The following TMEM135 variants were observed in gnomAD, a reference collection of about 807,000 sequenced individuals.
TMEM135 encodes the protein transmembrane protein 135, also known as peroxisomal membrane protein 52.
In TMEM135, 30 loss-of-function variants were observed where a neutral mutation model predicts 60.3. The observed-to-expected ratio is 0.50, with a 90% confidence interval of 0.37 to 0.68. The LOEUF (loss-of-function observed/expected upper bound fraction) is 0.68, where lower values mean the gene tolerates loss of function less well. Among genes scored for constraint, TMEM135 ranks in the 30% least tolerant of loss-of-function variants. The probability of loss-of-function intolerance (pLI) is 0.00; values close to 1 mark genes in which losing one functional copy is unlikely to be tolerated. For synonymous variants in TMEM135, 190 were observed against 186.7 expected (o/e 1.02, Z -0.14); for missense variants, 468 against 548.8 (o/e 0.85, Z 1.47).
intron 4 of TMEM135, among the ~76,000 whole-genome samples, chr11:87,155,970 C>A (rs1242744599): frequency 2.6e-5 from 4 of 152,160 alleles, no homozygotes; most frequent in Non-Finnish European, 5.9e-5. Flanking sequence ...ACAGTATGTA[C>A]TGTTTCTAGA....
chr11:87,178,853 A>G (rs761557035), intron 5 of TMEM135, among the ~76,000 whole-genome samples: 3 of 151,986 alleles, frequency 2.0e-5, no homozygotes, highest in Non-Finnish European at 4.4e-5. Flanking sequence ...GATTATTTCC[A>G]GTTTTCAGTT....
intron 5 of TMEM135, among the ~76,000 whole-genome samples, chr11:87,197,753 T>G (rs374867967): frequency 1.2e-4 from 19 of 152,226 alleles, no homozygotes; most frequent in African/African-American, 1.7e-4. Context: ...GCAAATTCAC[T>G]TATTAGGGAT....
chr11:87,253,085 A>C (rs1476145746), intron 6 of TMEM135, among the ~76,000 whole-genome samples: 1 of 149,900 alleles, frequency 6.7e-6, no homozygotes, highest in Non-Finnish European at 1.5e-5. Flanking sequence ...ACACCAAGTC[A>C]CATGACTGTG....
At chr11:87,266,214 G>A (rs1045738994) in intron 6 of TMEM135, among the ~76,000 whole-genome samples, 1 of 152,076 alleles carries the variant, frequency 6.6e-6, no homozygotes. Context: ...TCTGCAAAGG[G>A]TAATAATTTC....
intron 3 of TMEM135, among the ~76,000 whole-genome samples, chr11:87,073,697 T>C (rs11822478): frequency 0.05 from 7,579 of 152,108 alleles, 259 homozygotes; most frequent in South Asian, 0.096. Flanking sequence ...AGACGGAGTC[T>C]CGCTCTGTTG....
intron 3 of TMEM135, among the ~76,000 whole-genome samples, chr11:87,075,463 A>G (rs1360980685): frequency 2.0e-5 from 3 of 151,816 alleles, no homozygotes; most frequent in Non-Finnish European, 4.4e-5. Flanking sequence ...CCAATTTTTT[A>G]TTTTTATATT....
chr11:87,125,710 T>G (rs1482362348), intron 4 of TMEM135, among the ~76,000 whole-genome samples: 1 of 152,218 alleles, frequency 6.6e-6, no homozygotes, highest in Admixed American at 6.5e-5. Context: ...AGGATTTGCA[T>G]TTTTAAAACT....
chr11:87,202,910 G>A (rs1940148910), intron 5 of TMEM135, among the ~76,000 whole-genome samples: 1 of 151,448 alleles, frequency 6.6e-6, no homozygotes, highest in Non-Finnish European at 1.5e-5. Context: ...GCTGGCGCCT[G>A]TAGTCCCAGC....
intron 4 of TMEM135, among the ~76,000 whole-genome samples, chr11:87,146,451 T>G (rs1224824261): frequency 6.6e-6 from 1 of 152,168 alleles, no homozygotes; most frequent in Admixed American, 6.5e-5. Context: ...TTTATTTTTA[T>G]TTTTTAGAAA....
intron 5 of TMEM135, among the ~76,000 whole-genome samples, chr11:87,215,882 C>T (rs75206997): frequency 5.3e-5 from 8 of 152,280 alleles, no homozygotes; most frequent in African/African-American, 1.9e-4. Context: ...CCTCTCCCTT[C>T]TATGCTGAAT....
intron 6 of TMEM135, among the ~76,000 whole-genome samples, chr11:87,288,398 A>G (rs183590328): frequency 1.6e-4 from 24 of 152,300 alleles, no homozygotes; most frequent in African/African-American, 4.8e-4. Flanking sequence ...TTCCACCTCA[A>G]TAAGTTTTAT....
At chr11:87,149,401 CAG>C (rs903600161) in intron 4 of TMEM135, among the ~76,000 whole-genome samples, 4 of 152,108 alleles carry the variant, frequency 2.6e-5, no homozygotes, top group Admixed American at 1.3e-4. Flanking sequence ...TCTTCTAATT[CAG>C]AGAGGGAGAG....
At chr11:87,234,427 T>G (rs1052874767) in intron 5 of TMEM135, among the ~76,000 whole-genome samples, 1 of 152,052 alleles carries the variant, frequency 6.6e-6, no homozygotes, top group African/African-American at 2.4e-5. Context: ...AATGAATCAG[T>G]CAATTGCACT....
At chr11:87,043,295 T>G (rs1336190371) in intron 1 of TMEM135, among the ~76,000 whole-genome samples, 1 of 152,038 alleles carries the variant, frequency 6.6e-6, no homozygotes, top group Non-Finnish European at 1.5e-5. Flanking sequence ...CTTACATATT[T>G]TGTGATATAC....
At chr11:87,144,675 C>A (rs1427793178) in intron 4 of TMEM135, among the ~76,000 whole-genome samples, 1 of 150,404 alleles carries the variant, frequency 6.6e-6, no homozygotes, top group Non-Finnish European at 1.5e-5. Flanking sequence ...TCTATCTAAC[C>A]ATAATGTTTT....
intron 12 of TMEM135, among the ~76,000 whole-genome samples, chr11:87,316,285 TGA>T (rs762821907): frequency 4.5e-4 from 67 of 148,968 alleles, no homozygotes; most frequent in African/African-American, 9.6e-4. Flanking sequence ...TGTGTGTGTG[TGA>T]GAGAGAGAGA....
intron 4 of TMEM135, among the ~76,000 whole-genome samples, chr11:87,106,940 C>T (rs1365783397): frequency 3.3e-5 from 5 of 152,068 alleles, no homozygotes; most frequent in South Asian, 2.1e-4. Context: ...CAGCATGTCA[C>T]GTGGTGAAAG....
chr11:87,246,554 T>C (rs1265340631), intron 6 of TMEM135, among the ~76,000 whole-genome samples: 4 of 152,160 alleles, frequency 2.6e-5, no homozygotes, highest in African/African-American at 4.8e-5. Flanking sequence ...TTCGTTTCTT[T>C]GTGTTCTTTT....
chr11:87,047,196 T>C (rs1949803745), intron 1 of TMEM135, among the ~76,000 whole-genome samples: 1 of 152,194 alleles, frequency 6.6e-6, no homozygotes, highest in African/African-American at 2.4e-5. Flanking sequence ...ACAATTTATT[T>C]AATATTTTGA....
Sources: allele counts gnomAD v4.1 joint callset (sites outside exome capture counted in the v4.1 genomes callset), GRCh38; gene constraint gnomAD v4.1.1; transcripts MANE v1.5; gene names NCBI Gene and HGNC (gene_info 2026-07-23, HGNC 2026-07-21).